The following FUBP1 variants were observed in gnomAD, a reference collection of about 807,000 sequenced individuals.
The protein encoded by FUBP1 is far upstream element-binding protein 1.
In FUBP1, 16 loss-of-function variants were observed where a neutral mutation model predicts 94.9. That is an observed-to-expected ratio of 0.17 (90% CI 0.11 to 0.26). FUBP1 has a LOEUF of 0.26. FUBP1 is among the 10% of genes least tolerant of loss of function. The probability of loss-of-function intolerance (pLI) is 1.00; values close to 1 mark genes in which losing one functional copy is unlikely to be tolerated. For missense variants in FUBP1, 583 were observed against 808.6 expected (o/e 0.72, Z 3.38); for synonymous variants, 279 against 254.9 (o/e 1.09, Z -0.90).
At chr1:77,960,674 T>C (rs1259754988) in intron 14 of FUBP1, 179 bp from the exon 15 acceptor site, 4 of 502,934 alleles carry the variant, frequency 8.0e-6, no homozygotes, top group Non-Finnish European at 1.4e-5. Context: ...TAATGAGACA[T>C]GTAAAATTCA....
rs972915543 is a variant in FUBP1, at chr1:77,946,768, T to C, written c.*1998A>G. On this transcript the variant is annotated 3_prime_UTR_variant, in exon 20 of 20. Transcript: ENST00000370768. ...AACAGTATCATGCAAAATACTGCAATTGTTCACGTCAATACCCTACTCTTA... is the reference window on the plus strand; with the variant it reads ...AACAGTATCATGCAAAATACTGCAACTGTTCACGTCAATACCCTACTCTTA... The C allele has an allele frequency of 2.9e-5, 6 of 206,810 alleles. No homozygotes were observed. Among genetic ancestry groups the C allele is most frequent in the African/African-American group, 1.4e-4 (6 of 43,948 alleles). 12.8% of individuals were successfully genotyped at this position (206,810 alleles called of 1,614,324 possible). A position where few individuals can be genotyped will look rare whatever the true frequency, so the allele number is the denominator to read the frequency against.
rs1426881171 is a variant in FUBP1, at chr1:77,966,886, G to A, written c.413C>T (p.Pro138Leu). Residue 138 changes from proline (P) to leucine (L), a missense_variant and splice_region_variant, in exon 6 of 20, where the codon CCT becomes CTT. Coordinates refer to ENST00000370768, the MANE Select transcript of FUBP1 (RefSeq NM_003902.5). ...ATACCATGAGAATGTAACATTACCA[G>A]GAGCTATCTGTATTTTGCATCCAGA... ...QESGCKIQIA[P>L]DSGGLPERSC... 1 of 1,564,564 alleles carries A rather than the reference G, an allele frequency of 6.4e-7. No homozygotes were observed. The highest frequency in any genetic ancestry group is 8.8e-7 in the Non-Finnish European group (1 of 1,135,790).
chr1:77,949,424 C>T (rs1035630859), intron 18 of FUBP1, 124 bp from the exon 19 acceptor site: 49 of 698,142 alleles, frequency 7.0e-5, no homozygotes, highest in African/African-American at 6.2e-4. Flanking sequence ...CTTGTGTTTG[C>T]CCTTGTTGAC....
chr1:77,953,379 T>C (rs1653867596), intron 18 of FUBP1, among the ~76,000 whole-genome samples: 1 of 152,120 alleles, frequency 6.6e-6, no homozygotes, highest in African/African-American at 2.4e-5. Context: ...TAATCCCAGC[T>C]ACTTGGGAGT....
Position 77,948,319 on chromosome 1 carries a change from T to C in FUBP1, c.*447A>G, listed in dbSNP as rs939308456. The C allele has an allele frequency of 9.6e-6, 10 of 1,043,642 alleles. No homozygotes were observed. The highest frequency in any genetic ancestry group is 1.2e-5 in the Non-Finnish European group (10 of 860,464). 64.6% of individuals were successfully genotyped at this position (1,043,642 alleles called of 1,614,324 possible). On this transcript the variant is annotated 3_prime_UTR_variant, in exon 20 of 20. Coordinates refer to ENST00000370768, the MANE Select transcript of FUBP1 (RefSeq NM_003902.5). ...CTCAATATTTCATGGGGAAAGCTTA[T>C]ATATTTGTGTATATGTATCTTAATT... is the stretch of plus-strand genomic sequence containing the variant.
In FUBP1 at chr1:77,964,639, T is replaced by A; in HGVS notation, c.837+7A>T. The A allele has an allele frequency of 2.7e-6, 4 of 1,478,236 alleles. No homozygotes were observed. Among genetic ancestry groups the A allele is most frequent in the Non-Finnish European group, 3.8e-6 (4 of 1,056,702 alleles). 91.6% of individuals were successfully genotyped at this position (1,478,236 alleles called of 1,614,324 possible). A position where few individuals can be genotyped will look rare whatever the true frequency, so the allele number is the denominator to read the frequency against. Reference sequence around the variant, plus strand: ...ACAACCATTTCTGAATGGGTATTTTTACTTACATCTATCCCTTCATTTCCT... The same window carrying A: ...ACAACCATTTCTGAATGGGTATTTTAACTTACATCTATCCCTTCATTTCCT... On this transcript the variant is annotated splice_region_variant and intron_variant, in intron 10 of 19. Transcript: ENST00000370768.
At chr1:77,948,833 A>G (rs776347597) in intron 19 of FUBP1, 59 bp from the exon 20 acceptor site, 5 of 1,603,540 alleles carry the variant, frequency 3.1e-6, no homozygotes, top group African/African-American at 1.3e-5. Flanking sequence ...CTTGAAATGG[A>G]GCTAATTCAG....
At chr1:77,968,456 TG>T (rs992382633) in intron 2 of FUBP1, among the ~76,000 whole-genome samples, 1 of 152,052 alleles carries the variant, frequency 6.6e-6, no homozygotes, top group Non-Finnish European at 1.5e-5. Flanking sequence ...CTGACCTTAA[TG>T]TATGTTAAGC....
chr1:77,968,460 T>A (rs917369452), intron 2 of FUBP1, among the ~76,000 whole-genome samples: 2 of 152,086 alleles, frequency 1.3e-5, no homozygotes, highest in African/African-American at 4.8e-5. Flanking sequence ...CCTTAATGTA[T>A]GTTAAGCACA....
intron 18 of FUBP1, among the ~76,000 whole-genome samples, chr1:77,950,914 C>T (rs1433997413): frequency 6.6e-6 from 1 of 151,940 alleles, no homozygotes; most frequent in Non-Finnish European, 1.5e-5. Context: ...TGAAAAAAAC[C>T]CTCTTTTCTT....
At chr1:77,950,100 AC>A (rs1179691963) in intron 18 of FUBP1, among the ~76,000 whole-genome samples, 2 of 152,246 alleles carry the variant, frequency 1.3e-5, no homozygotes, top group Non-Finnish European at 2.9e-5. Flanking sequence ...CACACAGACG[AC>A]AAAAGACATA....
At chr1:77,975,839 G>T (rs763477573) in intron 1 of FUBP1, among the ~76,000 whole-genome samples, 1 of 151,122 alleles carries the variant, frequency 6.6e-6, no homozygotes. Flanking sequence ...TTTAGCTCAG[G>T]ATATTATAAA....
In FUBP1 at chr1:77,970,135, T is replaced by C. The variant is rs908134164; in HGVS notation, c.121-120A>G. ...ATATTTAGTATCACATAAGAAAATT[T>C]ACTTGAAAAATTAAAATTATAGTTC... On this transcript the variant is annotated intron_variant, in intron 1 of 19. Transcript: ENST00000370768. 20 of 463,488 alleles carry C rather than the reference T, an allele frequency of 4.3e-5. No individual in the cohort carries two copies. The Admixed American group carries it at 4.6e-4, about 11-fold the overall frequency. The allele number at this position is 463,488 out of a possible 1,614,324, so 28.7% of individuals were successfully genotyped here.
intron 10 of FUBP1, 50 bp downstream of exon 10, chr1:77,964,591 CTATTA>C (rs1175341839): frequency 5.1e-6 from 5 of 982,274 alleles, no homozygotes; most frequent in South Asian, 1.3e-5. Context: ...ACAGAAAACA[CTATTA>C]TATTTATGAA....
chr1:77,969,067 G>T, intron 2 of FUBP1: 1 of 1,281,098 alleles, frequency 7.8e-7, no homozygotes, highest in Non-Finnish European at 1.0e-6. Flanking sequence ...GTACTGCTCG[G>T]ACTTGTCCAA....
Position 77,962,788 on chromosome 1 carries a change from G to A in FUBP1, c.1326C>T (p.Leu442=). The part of the protein sequence containing the change: ...TPQQIDYARQ[L]IEEKIGGPVN... The stretch of plus-strand genomic sequence containing the variant: ...TACTCACACCAATCTTTTCTTCTAT[G>A]AGTTGCCGAGCATAGTCTATCTGTT... The change falls in exon 14 of 20, where the codon CTC becomes CTT. Residue 442 remains leucine, a synonymous_variant. Coordinates refer to ENST00000370768, the MANE Select transcript of FUBP1 (RefSeq NM_003902.5). 1 of 1,610,754 alleles carries A rather than the reference G, an allele frequency of 6.2e-7. No individual in the cohort carries two copies. The highest frequency in any genetic ancestry group is 1.1e-5 in the South Asian group (1 of 90,792).
At chr1:77,950,185 G>A (rs1653130096) in intron 18 of FUBP1, among the ~76,000 whole-genome samples, 1 of 152,182 alleles carries the variant, frequency 6.6e-6, no homozygotes, top group African/African-American at 2.4e-5. Flanking sequence ...TTTTCAGACA[G>A]GGTCTCACTC....
At chr1:77,974,198 C>T (rs762151869) in intron 1 of FUBP1, among the ~76,000 whole-genome samples, 26 of 148,840 alleles carry the variant, frequency 1.7e-4, no homozygotes, top group African/African-American at 5.7e-4. Flanking sequence ...TGCAGTGGCG[C>T]GATCTCGGTT....
chr1:77,977,921 ACTC>A (rs1315324349), intron 1 of FUBP1, among the ~76,000 whole-genome samples: 5 of 152,162 alleles, frequency 3.3e-5, no homozygotes, highest in African/African-American at 9.7e-5. Flanking sequence ...AACTAAGTGA[ACTC>A]CTAATGCAAC....
Sources: allele counts gnomAD v4.1 joint callset (sites outside exome capture counted in the v4.1 genomes callset), GRCh38; gene constraint gnomAD v4.1.1; transcripts MANE v1.5; gene names NCBI Gene and HGNC (gene_info 2026-07-23, HGNC 2026-07-21).